The following SMG6 variants were observed in gnomAD, a reference collection of about 807,000 sequenced individuals.
SMG6 encodes telomerase-binding protein EST1A.
SMG6 carries 66 observed loss-of-function variants against 142.2 expected under a neutral mutation model. That is an observed-to-expected ratio of 0.46 (90% confidence interval 0.38 to 0.57). The LOEUF (loss-of-function observed/expected upper bound fraction) is 0.57, where lower values mean the gene tolerates loss of function less well. Among genes scored for constraint, SMG6 ranks in the 20% least tolerant of loss-of-function variants. The pLI, the probability that SMG6 is intolerant of heterozygous loss-of-function variation, is 0.00. For synonymous variants in SMG6, 779 were observed against 702.4 expected (o/e 1.11, Z -1.72); for missense variants, 1,793 against 1,832.0 (o/e 0.98, Z 0.39).
chr17:2,292,250 A>C (rs918625392), intron 6 of SMG6, among the ~76,000 whole-genome samples: 1 of 152,240 alleles, frequency 6.6e-6, no homozygotes, highest in Non-Finnish European at 1.5e-5. Flanking sequence ...GAAGAGAATC[A>C]AGACAAAATT....
At chr17:2,276,353 C>T (rs1031255536) in intron 8 of SMG6, among the ~76,000 whole-genome samples, 4 of 152,108 alleles carry the variant, frequency 2.6e-5, no homozygotes, top group African/African-American at 9.7e-5. Flanking sequence ...TGTTAGGAGC[C>T]AGGCCTATCC....
intron 10 of SMG6, chr17:2,212,617 G>C (rs181186245): frequency 6.6e-6 from 1 of 152,310 alleles, no homozygotes; most frequent in Admixed American, 6.5e-5. Context: ...CTACTAACCT[G>C]AAGTAGCACC....
chr17:2,300,319 A>G lies in SMG6; in HGVS notation c.434T>C (p.Ile145Thr), dbSNP rs1490014812. The change falls in exon 2 of 19, where the codon ATC (isoleucine) becomes ACC (threonine). Residue 145 changes from isoleucine (I) to threonine (T), a missense_variant. This residue lies in a region of SMG6 where 1,597 missense variants were observed against 1,584.6 expected (regional missense o/e 1.01). Transcript: ENST00000263073. ...IKRTKKPDLQ[I>T]YQPGRRLQTV... ...CTGCAAACGTCGTCCAGGCTGATAGATCTGCAGGTCGGGTTTCTTTGTTCT... is the reference window on the plus strand; with the variant it reads ...CTGCAAACGTCGTCCAGGCTGATAGGTCTGCAGGTCGGGTTTCTTTGTTCT... The G allele has an allele frequency of 6.2e-7, 1 of 1,614,008 alleles. No homozygotes were observed. The highest frequency in any genetic ancestry group is 1.1e-5 in the South Asian group (1 of 91,084).
chr17:2,207,620 T>A (rs1278552493), intron 10 of SMG6, among the ~76,000 whole-genome samples: 2 of 152,056 alleles, frequency 1.3e-5, no homozygotes, highest in Non-Finnish European at 2.9e-5. Context: ...TATAATTAAA[T>A]ATATACATAT....
chr17:2,138,883 T>G (rs762091209), intron 13 of SMG6, among the ~76,000 whole-genome samples: 18 of 152,332 alleles, frequency 1.2e-4, no homozygotes, highest in African/African-American at 4.3e-4. Context: ...ATAAAGCAAT[T>G]TCATTCCCCA....
chr17:2,302,623 G>T (rs538460368), intron 1 of SMG6, among the ~76,000 whole-genome samples: 1 of 152,162 alleles, frequency 6.6e-6, no homozygotes, highest in Non-Finnish European at 1.5e-5. Context: ...CCCAAAACAG[G>T]AATCATATGC....
intron 12 of SMG6, among the ~76,000 whole-genome samples, chr17:2,175,138 G>A (rs775290750): frequency 4.6e-5 from 7 of 152,148 alleles, no homozygotes; most frequent in Non-Finnish European, 8.8e-5. Flanking sequence ...ACTTGAGCCC[G>A]CTGCCTGAGT....
At chr17:2,142,436 G>A (rs1044006701) in intron 13 of SMG6, among the ~76,000 whole-genome samples, 1 of 152,232 alleles carries the variant, frequency 6.6e-6, no homozygotes, top group African/African-American at 2.4e-5. Flanking sequence ...CTGGAGCCCA[G>A]GAGTTCAAAA....
intron 15 of SMG6, among the ~76,000 whole-genome samples, chr17:2,078,586 G>A (rs1051862552): frequency 1.3e-5 from 2 of 152,042 alleles, no homozygotes; most frequent in Non-Finnish European, 2.9e-5. Flanking sequence ...TGGCCAGGCT[G>A]GTCTTGAACT....
At chr17:2,233,951 G>A (rs572959994) in intron 10 of SMG6, among the ~76,000 whole-genome samples, 13 of 152,154 alleles carry the variant, frequency 8.5e-5, no homozygotes, top group Non-Finnish European at 1.8e-4. Context: ...GGCCTGGGCC[G>A]TTTTTCCTTG....
Position 2,068,095 on chromosome 17 carries a change from C to A in SMG6, c.3835+683G>T, listed in dbSNP as rs767890015. Among the ~76,000 whole-genome samples the A allele has an allele frequency of 2.0e-5, 3 of 152,204 alleles. No individual in the cohort carries two copies. Among genetic ancestry groups the A allele is most frequent in the Non-Finnish European group, 2.9e-5 (2 of 68,034 alleles). On this transcript the variant is annotated intron_variant, in intron 16 of 18. Transcript: ENST00000263073. The surrounding 1 kb of genome is among the most constrained non-coding windows in gnomAD (Gnocchi z 6.7). ...CTGACCCACCACAGAGCTCCAAGAA[C>A]TAAGGGTACCCAGACGGTCCCGTGG...
In SMG6 at chr17:2,300,020, A is replaced by G. The variant is rs771835680; in HGVS notation, c.733T>C (p.Ser245Pro). Residue 245 changes from serine (S) to proline (P), a missense_variant, in exon 2 of 19, where the codon TCC (serine) becomes CCC (proline). Around this residue, in one of 3 missense-constraint regions of SMG6, gnomAD observed 1,597 missense variants for 1,584.6 expected, o/e 1.01. Coordinates refer to ENST00000263073, the MANE Select transcript of SMG6 (RefSeq NM_017575.5). Reference sequence around the variant, plus strand: ...CGATTCCTTCGTTTGTCTGAGCGGGAGTAGCGCTTTGCGGAGCCCGGCCTC... The same window carrying G: ...CGATTCCTTCGTTTGTCTGAGCGGGGGTAGCGCTTTGCGGAGCCCGGCCTC... ...RGRPGSAKRY[S>P]RSDKRRNRYR... 44 of 1,614,028 alleles carry G rather than the reference A, an allele frequency of 2.7e-5. No homozygotes were observed. The highest frequency in any genetic ancestry group is 3.6e-5 in the Non-Finnish European group (43 of 1,180,042).
intron 8 of SMG6, among the ~76,000 whole-genome samples, chr17:2,279,448 A>AG (rs2074734500): frequency 6.6e-6 from 1 of 152,224 alleles, no homozygotes; most frequent in African/African-American, 2.4e-5. Flanking sequence ...CACTTTCAAG[A>AG]AGGCAGTGGC....
chr17:2,181,366 T>A (rs1205900954), intron 12 of SMG6, among the ~76,000 whole-genome samples: 1 of 152,208 alleles, frequency 6.6e-6, no homozygotes, highest in African/African-American at 2.4e-5. Context: ...TAAATAGCCA[T>A]GCCTTGGGGT....
intron 12 of SMG6, among the ~76,000 whole-genome samples, chr17:2,174,527 T>G: frequency 6.6e-6 from 1 of 152,188 alleles, no homozygotes; most frequent in East Asian, 1.9e-4. Context: ...AACATCTTGT[T>G]TTCAAGAGTG....
intron 10 of SMG6, among the ~76,000 whole-genome samples, chr17:2,204,885 C>T (rs930918381): frequency 5.3e-5 from 8 of 152,078 alleles, no homozygotes; most frequent in African/African-American, 1.9e-4. Context: ...ATCGCTTCAG[C>T]CTGGGAGGCA....
intron 13 of SMG6, among the ~76,000 whole-genome samples, chr17:2,147,915 G>A (rs1270834462): frequency 4.6e-5 from 7 of 152,078 alleles, no homozygotes; most frequent in South Asian, 2.1e-4. Flanking sequence ...ACAGATGACC[G>A]GGCACGGTGC....
intron 12 of SMG6, among the ~76,000 whole-genome samples, chr17:2,179,986 G>A (rs2071757037): frequency 6.6e-6 from 1 of 151,722 alleles, no homozygotes. Flanking sequence ...TTCACTTACT[G>A]AGAACTAGAA....
At chr17:2,260,839 T>C (rs1056694097) in intron 8 of SMG6, among the ~76,000 whole-genome samples, 1 of 148,298 alleles carries the variant, frequency 6.7e-6, no homozygotes, top group African/African-American at 2.5e-5. Context: ...CTACTGAAAA[T>C]ACAAAAATTA....
Sources: gnomAD v4.1 joint callset for allele counts (sites outside exome capture counted in the v4.1 genomes callset) on GRCh38, gnomAD v4.1.1 for gene constraint, gnomAD v4.1.1 regional missense constraint, Gnocchi (gnomAD v3.1) non-coding constraint, MANE v1.5 for transcripts, NCBI Gene and HGNC (gene_info 2026-07-23, HGNC 2026-07-21) for gene names.